The following OSMR variants were observed in gnomAD, a reference collection of about 807,000 sequenced individuals.
OSMR encodes the protein oncostatin-M-specific receptor subunit beta.
Under a neutral mutation model 99.9 loss-of-function variants are expected in OSMR, and 81 were observed. That is an observed-to-expected ratio of 0.81 (90% CI 0.68 to 0.97). The LOEUF (loss-of-function observed/expected upper bound fraction) is 0.97, where lower values mean the gene tolerates loss of function less well. Among genes scored for constraint, OSMR ranks in the 50% least tolerant of loss-of-function variants. The pLI, the probability that OSMR is intolerant of heterozygous loss-of-function variation, is 0.00. For missense variants in OSMR, 1,099 were observed against 1,153.4 expected (o/e 0.95, Z 0.68); for synonymous variants, 406 against 410.4 (o/e 0.99, Z 0.13).
rs1185122401 is a variant in OSMR, at chr5:38,868,884, C to T, written c.-13-148C>T. 3.3e-6 allele frequency: 3 copies of T among 907,730 alleles called. No homozygotes were observed. In the African/African-American group the frequency reaches 5.1e-5, roughly 15 times the overall value. 56.2% of individuals were successfully genotyped at this position (907,730 alleles called of 1,614,324 possible). A position where few individuals can be genotyped will look rare whatever the true frequency, so the allele number is the denominator to read the frequency against. The stretch of plus-strand genomic sequence containing the variant: ...ATATAGTCTTCCTATTTTGGGGGGA[C>T]TCTAAAGTACCATGACAAGAGGCAT... On this transcript the variant is annotated intron_variant, in intron 1 of 17. Coordinates refer to ENST00000274276, the MANE Select transcript of OSMR (RefSeq NM_003999.3).
At chr5:38,864,776 T>G (rs968457867) in intron 1 of OSMR, among the ~76,000 whole-genome samples, 11 of 152,330 alleles carry the variant, frequency 7.2e-5, no homozygotes, top group African/African-American at 2.6e-4. Context: ...TGTCTATATC[T>G]CGTGCAAGAA....
chr5:38,903,991 G>C lies in OSMR; in HGVS notation c.1101G>C (p.Gln367His). ...SIRNNFTYLC[Q>H]IELHGEGKMM... ...GGAATAATTTCACATATTTGTGTCA[G>C]ATTGAACTCCATGGTGAAGGAAAAA... The change falls in exon 8 of 18, where the codon CAG becomes CAC. Residue 367 changes from glutamine to histidine, a missense_variant. Coordinates refer to ENST00000274276, the MANE Select transcript of OSMR (RefSeq NM_003999.3). 1 of 1,614,064 alleles carries C rather than the reference G, an allele frequency of 6.2e-7. No homozygotes were observed. The highest frequency in any genetic ancestry group is 8.5e-7 in the Non-Finnish European group (1 of 1,179,984).
downstream of OSMR, among the ~76,000 whole-genome samples, chr5:38,936,992 G>A (rs144768809): frequency 3.5e-4 from 53 of 152,254 alleles, 1 homozygote; most frequent in East Asian, 8.7e-3. Flanking sequence ...TTTTTTAAAG[G>A]ATCAGCGGCA....
chr5:38,908,687 C>T (rs566092105), intron 9 of OSMR, among the ~76,000 whole-genome samples: 1 of 152,262 alleles, frequency 6.6e-6, no homozygotes, highest in African/African-American at 2.4e-5. Flanking sequence ...AGATGGGAAC[C>T]CAGTCAACTG....
chr5:38,892,122 G>T (rs1464091335), intron 7 of OSMR, among the ~76,000 whole-genome samples: 1 of 152,178 alleles, frequency 6.6e-6, no homozygotes, highest in East Asian at 1.9e-4. Flanking sequence ...GCATCAGTTG[G>T]ATGGGAGGAA....
chr5:38,902,919 C>G (rs1181431658), intron 7 of OSMR, among the ~76,000 whole-genome samples: 1 of 152,144 alleles, frequency 6.6e-6, no homozygotes, highest in East Asian at 1.9e-4. Context: ...TCCTCCGCCA[C>G]AATCCATGCA....
downstream of OSMR, chr5:38,938,392 A>G (rs1337661530): frequency 4.3e-6 from 1 of 230,442 alleles, no homozygotes; most frequent in African/African-American, 2.2e-5. Context: ...TACCTATAAA[A>G]TTTTTTTCAC....
intron 1 of OSMR, chr5:38,940,748 C>A (rs1747474089): frequency 4.3e-6 from 1 of 232,352 alleles, no homozygotes. Context: ...CCAACTGGAA[C>A]TTTCAGTTCC....
intron 4 of OSMR, among the ~76,000 whole-genome samples, chr5:38,882,867 A>G (rs1463840778): frequency 1.3e-5 from 2 of 152,332 alleles, no homozygotes; most frequent in East Asian, 3.9e-4. Flanking sequence ...TGAGGCACTG[A>G]GAGGTTAAAG....
chr5:38,853,028 G>T (rs1464565229), intron 1 of OSMR, among the ~76,000 whole-genome samples: 1 of 152,080 alleles, frequency 6.6e-6, no homozygotes, highest in African/African-American at 2.4e-5. Flanking sequence ...ACCGCGCCCG[G>T]CCCTATTGTT....
chr5:38,888,220 A>G (rs1315266554), intron 7 of OSMR, among the ~76,000 whole-genome samples: 1 of 152,162 alleles, frequency 6.6e-6, no homozygotes, highest in Non-Finnish European at 1.5e-5. Context: ...TAGCACAGGG[A>G]AAAACTGGCC....
chr5:38,919,259 C>G (rs1051626324), intron 11 of OSMR, 197 bp downstream of exon 11: 2 of 1,515,838 alleles, frequency 1.3e-6, no homozygotes, highest in Non-Finnish European at 1.8e-6. Flanking sequence ...GAGAAGGAGA[C>G]TTCAGCCATG....
intron 13 of OSMR, 76 bp from the exon 14 acceptor site, chr5:38,924,346 T>G: frequency 6.2e-7 from 1 of 1,607,714 alleles, no homozygotes; most frequent in South Asian, 1.1e-5. Flanking sequence ...GCTATGGTTC[T>G]TCTATTAGTT....
Position 38,886,070 on chromosome 5 carries a change from A to C in OSMR, c.871A>C (p.Lys291Gln), listed in dbSNP as rs1392374925. Reference protein sequence around the residue: ...FSGEKKLCTHKNWCNWQITQD... With the variant: ...FSGEKKLCTHQNWCNWQITQD... ...TGGGGAAAAGAAACTTTGTACACACAAAAACTGGTGTAATTGGCAAATAAC... is the reference window on the plus strand; with the variant it reads ...TGGGGAAAAGAAACTTTGTACACACCAAAACTGGTGTAATTGGCAAATAAC... The change falls in exon 7 of 18, where the codon AAA (lysine) becomes CAA (glutamine). Residue 291 changes from lysine to glutamine, a missense_variant. Lys to Gln is a moderately conservative substitution (Grantham distance 53, BLOSUM62 1). Coordinates refer to ENST00000274276, the MANE Select transcript of OSMR (RefSeq NM_003999.3). The C allele has an allele frequency of 2.5e-6, 4 of 1,613,732 alleles. No homozygotes were observed. Among genetic ancestry groups the C allele is most frequent in the East Asian group, 2.2e-5 (1 of 44,868 alleles).
At chr5:38,943,148 C>G (rs1411103717) in intron 1 of OSMR, 2 of 371,396 alleles carry the variant, frequency 5.4e-6, no homozygotes, top group East Asian at 7.2e-5. Flanking sequence ...CTTAGACATT[C>G]TGAGTTTGGG....
chr5:38,863,481 G>A (rs1741679341), intron 1 of OSMR, among the ~76,000 whole-genome samples: 1 of 152,074 alleles, frequency 6.6e-6, no homozygotes, highest in African/African-American at 2.4e-5. Flanking sequence ...AGGTTGCAGT[G>A]AGCTGAGATC....
At chr5:38,916,253 A>G (rs1053403447) in intron 9 of OSMR, among the ~76,000 whole-genome samples, 3 of 152,154 alleles carry the variant, frequency 2.0e-5, no homozygotes, top group Non-Finnish European at 2.9e-5. Context: ...TTATTTTTCC[A>G]TTGCTGAGAT....
rs60087915 is a variant in OSMR at position 38,905,091 on chromosome 5, C to T, written c.1285+588C>T. 5.7e-3 allele frequency among the ~76,000 whole-genome samples: 863 copies of T among 152,284 alleles called. 10 individuals carry two copies. The highest frequency in any genetic ancestry group is 0.02 in the African/African-American group (822 of 41,554). ...GCCCAATCCTGCTTCCATCTCCCTC[C>T]AACTCAATGTCATAAAGGATAACTG... On this transcript the variant is annotated intron_variant, in intron 9 of 17. Coordinates refer to ENST00000274276, the MANE Select transcript of OSMR (RefSeq NM_003999.3).
rs781317675 is a variant in OSMR, at chr5:38,903,993, T to C, written c.1103T>C (p.Ile368Thr). 3 of 1,614,122 alleles carry C rather than the reference T, an allele frequency of 1.9e-6. No homozygotes were observed. The highest frequency in any genetic ancestry group is 2.5e-6 in the Non-Finnish European group (3 of 1,180,000). The change falls in exon 8 of 18, where the codon ATT (isoleucine) becomes ACT (threonine). Residue 368 changes from isoleucine (I) to threonine (T), a missense_variant. Ile to Thr is a moderately conservative substitution (Grantham distance 89). Transcript: ENST00000274276. ...IRNNFTYLCQ[I>T]ELHGEGKMMQ... ...AATAATTTCACATATTTGTGTCAGATTGAACTCCATGGTGAAGGAAAAATG... is the reference window on the plus strand; with the variant it reads ...AATAATTTCACATATTTGTGTCAGACTGAACTCCATGGTGAAGGAAAAATG...
Sources: allele counts gnomAD v4.1 joint callset (sites outside exome capture counted in the v4.1 genomes callset), GRCh38; gene constraint gnomAD v4.1.1; transcripts MANE v1.5; gene names NCBI Gene and HGNC (gene_info 2026-07-23, HGNC 2026-07-21).